Variants in ZDHHC14 observed in about 807,000 individuals in gnomAD.
The protein encoded by ZDHHC14 is palmitoyltransferase ZDHHC14.
ZDHHC14 carries 16 observed loss-of-function variants against 47.7 expected under a neutral mutation model. The observed-to-expected ratio is 0.34, with a 90% confidence interval of 0.23 to 0.51. The LOEUF is 0.51. ZDHHC14 is among the 20% of genes least tolerant of loss of function. The probability of loss-of-function intolerance (pLI) is 0.97; values close to 1 mark genes in which losing one functional copy is unlikely to be tolerated. For synonymous variants in ZDHHC14, 293 were observed against 278.9 expected, an observed-to-expected ratio of 1.05 and a Z score of -0.50; for missense variants, 515 against 662.5, an observed-to-expected ratio of 0.78 and a Z score of 2.44.
intron 1 of ZDHHC14, among the ~76,000 whole-genome samples, chr6:157,540,005 C>A (rs1387542151): frequency 6.6e-6 from 1 of 152,178 alleles, no homozygotes; most frequent in Non-Finnish European, 1.5e-5. Context: ...CAGGGAAACA[C>A]AGACAGAGGC....
chr6:157,483,412 G>T (rs905453835), intron 1 of ZDHHC14, among the ~76,000 whole-genome samples: 3 of 152,178 alleles, frequency 2.0e-5, no homozygotes, highest in Admixed American at 2.0e-4. Context: ...TTATTTGTCC[G>T]TGAGGCTCAT....
chr6:157,432,578 A>G (rs183795524), intron 1 of ZDHHC14, among the ~76,000 whole-genome samples: 1 of 152,318 alleles, frequency 6.6e-6, no homozygotes, highest in Admixed American at 6.5e-5. Context: ...TAGCCTTCCA[A>G]TAGGAGGTGG....
chr6:157,638,912 C>T (rs1399901817), intron 5 of ZDHHC14, among the ~76,000 whole-genome samples: 1 of 152,234 alleles, frequency 6.6e-6, no homozygotes, highest in Non-Finnish European at 1.5e-5. Flanking sequence ...AGGTCCCAGG[C>T]AGCGCCCACA....
At chr6:157,392,390 T>C (rs1049922060) in intron 1 of ZDHHC14, among the ~76,000 whole-genome samples, 1 of 152,210 alleles carries the variant, frequency 6.6e-6, no homozygotes, top group African/African-American at 2.4e-5. Context: ...TCCTTTGTAA[T>C]ACTTTGTGCT....
At chr6:157,560,320 C>T (rs762561063) in intron 2 of ZDHHC14, among the ~76,000 whole-genome samples, 5 of 152,188 alleles carry the variant, frequency 3.3e-5, no homozygotes, top group African/African-American at 4.8e-5. Flanking sequence ...AGCAGGTGCC[C>T]GGCTGAAGAC....
intron 1 of ZDHHC14, among the ~76,000 whole-genome samples, chr6:157,445,572 C>A (rs1778648985): frequency 6.6e-6 from 1 of 152,198 alleles, no homozygotes; most frequent in South Asian, 2.1e-4. Flanking sequence ...CCCCTCTGCC[C>A]CCTTGGGTTG....
At chr6:157,511,073 C>T (rs1334840928) in intron 1 of ZDHHC14, among the ~76,000 whole-genome samples, 2 of 152,242 alleles carry the variant, frequency 1.3e-5, no homozygotes, top group East Asian at 1.9e-4. Context: ...AGATCCTCTT[C>T]CTCTTCCTTA....
intron 8 of ZDHHC14, among the ~76,000 whole-genome samples, chr6:157,667,703 C>T (rs144889310): frequency 1.7e-4 from 26 of 152,088 alleles, no homozygotes; most frequent in African/African-American, 5.3e-4. Context: ...TCCCCCATGA[C>T]TTTCTCAAAT....
intron 2 of ZDHHC14, among the ~76,000 whole-genome samples, chr6:157,549,936 C>A (rs1250496500): frequency 6.6e-6 from 1 of 152,138 alleles, no homozygotes; most frequent in Non-Finnish European, 1.5e-5. Flanking sequence ...TTGAAGTTGG[C>A]GACATTACTA....
At chr6:157,655,071 C>T (rs1047990518) in intron 8 of ZDHHC14, among the ~76,000 whole-genome samples, 1 of 152,132 alleles carries the variant, frequency 6.6e-6, no homozygotes. Flanking sequence ...ACTTCAAGGT[C>T]CTTGCCGCTC....
intron 1 of ZDHHC14, among the ~76,000 whole-genome samples, chr6:157,433,030 G>C (rs541847551): frequency 1.4e-4 from 22 of 152,378 alleles, no homozygotes; most frequent in South Asian, 6.2e-4. Context: ...TCGCCATGGG[G>C]CTACAGCATC....
chr6:157,501,444 C>G (rs1200112375), intron 1 of ZDHHC14, among the ~76,000 whole-genome samples: 1 of 150,648 alleles, frequency 6.6e-6, no homozygotes, highest in Non-Finnish European at 1.5e-5. Flanking sequence ...CTGTTGTATT[C>G]TAAATTAGCT....
intron 2 of ZDHHC14, among the ~76,000 whole-genome samples, chr6:157,581,500 T>G (rs1770623680): frequency 6.6e-6 from 1 of 152,186 alleles, no homozygotes; most frequent in South Asian, 2.1e-4. Flanking sequence ...CTCAATGATC[T>G]AATACTGTCA....
At chr6:157,653,015 G>C (rs621154) in intron 7 of ZDHHC14, among the ~76,000 whole-genome samples, 55,332 of 152,056 alleles carry the variant, frequency 0.36, 10,195 homozygotes, top group Non-Finnish European at 0.4. Context: ...AGGAAGAGAG[G>C]GGGGAAGAGT....
At chr6:157,496,482 G>A (rs1383344272) in intron 1 of ZDHHC14, among the ~76,000 whole-genome samples, 1 of 152,196 alleles carries the variant, frequency 6.6e-6, no homozygotes, top group Non-Finnish European at 1.5e-5. Context: ...GTTCTTTACA[G>A]AGGTAATTAA....
intron 3 of ZDHHC14, among the ~76,000 whole-genome samples, chr6:157,614,242 G>T (rs1303252462): frequency 2.0e-5 from 3 of 152,176 alleles, no homozygotes; most frequent in Non-Finnish European, 4.4e-5. Flanking sequence ...TGTTTCATAA[G>T]GGAGCAGCCC....
chr6:157,554,287 C>T (rs553003488), intron 2 of ZDHHC14, among the ~76,000 whole-genome samples: 8 of 152,266 alleles, frequency 5.3e-5, no homozygotes, highest in African/African-American at 1.9e-4. Context: ...CTGCCTTCAC[C>T]AAACCCAAAT....
chr6:157,445,873 T>C (rs148931495), intron 1 of ZDHHC14, among the ~76,000 whole-genome samples: 330 of 152,216 alleles, frequency 2.2e-3, no homozygotes, highest in Non-Finnish European at 3.7e-3. Flanking sequence ...AGGCATCAAC[T>C]TAATATCCTT....
At chr6:157,528,495 G>C (rs1025219628) in intron 1 of ZDHHC14, among the ~76,000 whole-genome samples, 1 of 151,810 alleles carries the variant, frequency 6.6e-6, no homozygotes, top group African/African-American at 2.4e-5. Context: ...ACTTTGGGAG[G>C]CTGAGGCGGG....
Sources: gnomAD v4.1 joint callset for allele counts (sites outside exome capture counted in the v4.1 genomes callset) on GRCh38, gnomAD v4.1.1 for gene constraint, MANE v1.5 for transcripts, NCBI Gene and HGNC (gene_info 2026-07-23, HGNC 2026-07-21) for gene names.